Variants in ACAT2 observed in about 807,000 individuals in gnomAD.
The protein encoded by ACAT2 is acetyl-CoA acetyltransferase, cytosolic.
Under a neutral mutation model 37.1 loss-of-function variants are expected in ACAT2, and 26 were observed. The observed-to-expected ratio is 0.70, with a 90% CI of 0.51 to 0.97. ACAT2 has a LOEUF of 0.97. Ranked by LOEUF, ACAT2 falls within the 50% of genes least tolerant of loss-of-function variation. ACAT2 has a pLI of 0.00. For synonymous variants in ACAT2, 156 were observed against 163.6 expected, an observed-to-expected ratio of 0.95 and a Z score of 0.35; for missense variants, 468 against 489.0, an observed-to-expected ratio of 0.96 and a Z score of 0.40.
At chr6:159,768,401 C>A in intron 3 of ACAT2, 110 bp from the exon 4 acceptor site, 1 of 806,554 alleles carries the variant, frequency 1.2e-6, no homozygotes, top group Non-Finnish European at 2.1e-6. Flanking sequence ...AGAAGGGCTG[C>A]AAAGGGGCCT....
At chr6:159,766,878 G>A in intron 2 of ACAT2, 127 bp from the exon 3 acceptor site, 1 of 1,103,306 alleles carries the variant, frequency 9.1e-7, no homozygotes. Context: ...CCTCCAGTGG[G>A]CACTTACTTG....
At chr6:159,762,478 C>A in intron 1 of ACAT2, 4 of 1,318,692 alleles carry the variant, frequency 3.0e-6, no homozygotes, top group Non-Finnish European at 3.9e-6. Flanking sequence ...GAGGCGCCAT[C>A]GGTAATGCCT....
intron 1 of ACAT2, 192 bp from the exon 2 acceptor site, chr6:159,762,727 T>G (rs904394358): frequency 1.9e-6 from 3 of 1,541,710 alleles, no homozygotes; most frequent in Non-Finnish European, 8.7e-7. Context: ...TGTCCAGCCC[T>G]CGGCTGCTGC....
At chr6:159,762,859 G>C (rs1780175262) in intron 1 of ACAT2, 60 bp from the exon 2 acceptor site, 6 of 1,597,882 alleles carry the variant, frequency 3.8e-6, no homozygotes, top group Non-Finnish European at 3.4e-6. Context: ...CCTGCTCGTA[G>C]GTGGTTCCCG....
chr6:159,763,191 C>T, intron 2 of ACAT2, 138 bp downstream of exon 2: 1 of 1,212,884 alleles, frequency 8.2e-7, no homozygotes. Context: ...CTCAGAGTTC[C>T]CTCTGTTATG....
chr6:159,776,013 G>T (rs901209970), intron 5 of ACAT2, 137 bp from the exon 6 acceptor site: 7 of 893,704 alleles, frequency 7.8e-6, no homozygotes, highest in African/African-American at 3.4e-5. Context: ...TCCTCCTGTT[G>T]TCATCAAAGT....
chr6:159,778,449 A>G (rs1026188380), intron 8 of ACAT2, 169 bp downstream of exon 8: 1 of 638,858 alleles, frequency 1.6e-6, no homozygotes, highest in Non-Finnish European at 2.5e-6. Context: ...AAAAAAAAAA[A>G]GACATTGGCT....
At position 159,762,978 on chromosome 6, in the gene ACAT2, A is replaced by G; in HGVS notation, c.115A>G (p.Lys39Glu). The change falls in exon 2 of 9, where the codon AAA (lysine) becomes GAA (glutamate). Residue 39 changes from lysine (K) to glutamate (E), a missense_variant. Coordinates refer to ENST00000367048, the MANE Select transcript of ACAT2 (RefSeq NM_005891.3). ...CCAGGACCTGGGCTCCACTGTCATC[A>G]AAGAAGTCTTGAAGAGGGCCACTGT... Reference protein sequence around the residue: ...PVQDLGSTVIKEVLKRATVAP... With the variant: ...PVQDLGSTVIEEVLKRATVAP... The G allele has an allele frequency of 6.2e-7, 1 of 1,614,110 alleles. No homozygotes were observed. Among genetic ancestry groups the G allele is most frequent in the Non-Finnish European group, 8.5e-7 (1 of 1,180,002 alleles).
Position 159,779,016 on chromosome 6 carries a change from A to G in ACAT2, c.*187A>G. The stretch of plus-strand genomic sequence containing the variant: ...TCAAGGTACAAGACAATTGCATTTA[A>G]CATTGTTATAAATAAAAGGAACATC... On this transcript the variant is annotated 3_prime_UTR_variant, in exon 9 of 9. Transcript: ENST00000367048. 6.3e-7 allele frequency: 1 copy of G among 1,598,850 alleles called. No homozygotes were observed. Among genetic ancestry groups the G allele is most frequent in the African/African-American group, 1.3e-5 (1 of 74,544 alleles).
chr6:159,775,038 A>G, intron 4 of ACAT2, 132 bp from the exon 5 acceptor site: 3 of 1,002,750 alleles, frequency 3.0e-6, no homozygotes, highest in Non-Finnish European at 4.3e-6. Context: ...CCCCACACAG[A>G]GCATTGCACA....
At chr6:159,777,604 G>A in intron 7 of ACAT2, 148 bp downstream of exon 7, 1 of 1,021,234 alleles carries the variant, frequency 9.8e-7, no homozygotes, top group Non-Finnish European at 1.4e-6. Flanking sequence ...TTGCTCTGTT[G>A]TCCAGGCTGG....
intron 2 of ACAT2, among the ~76,000 whole-genome samples, chr6:159,763,629 C>CTTTT (rs765044833): frequency 0.084 from 6,402 of 76,420 alleles, 1,089 homozygotes; most frequent in Non-Finnish European, 0.11. Context: ...TTTTCTTTTC[C>CTTTT]TTTTTTTTTT....
At chr6:159,770,740 G>A (rs980981683) in intron 4 of ACAT2, among the ~76,000 whole-genome samples, 2 of 152,114 alleles carry the variant, frequency 1.3e-5, no homozygotes, top group South Asian at 2.1e-4. Context: ...TCATATACAC[G>A]ACCTGAAGAA....
rs746882014 is a variant in ACAT2, at chr6:159,778,159, C to G, written c.913-11C>G. ...AAGTTTAGACCTCTTTTCTATGAAT[C>G]TTTCCTCTAGGTTACAAAAGCAGGT... On this transcript the variant is annotated splice_polypyrimidine_tract_variant and intron_variant, in intron 7 of 8. Transcript: ENST00000367048. 1 of 1,586,884 alleles carries G rather than the reference C, an allele frequency of 6.3e-7. No homozygotes were observed. Among genetic ancestry groups the G allele is most frequent in the Non-Finnish European group, 8.6e-7 (1 of 1,159,642 alleles).
intron 4 of ACAT2, among the ~76,000 whole-genome samples, chr6:159,770,664 A>G (rs569202914): frequency 4.1e-4 from 62 of 152,282 alleles, no homozygotes; most frequent in African/African-American, 1.4e-3. Flanking sequence ...AAGAAAAAAA[A>G]ATTCTGAATG....
chr6:159,765,362 C>G, intron 2 of ACAT2, among the ~76,000 whole-genome samples: 1 of 151,796 alleles, frequency 6.6e-6, no homozygotes, highest in East Asian at 1.9e-4. Context: ...GTTATCCACC[C>G]GCCTCGGCCT....
Position 159,767,032 on chromosome 6 carries a change from C to T in ACAT2, c.218C>T (p.Ala73Val). 9 of 1,614,018 alleles carry T rather than the reference C, an allele frequency of 5.6e-6. No homozygotes were observed. Among genetic ancestry groups the T allele is most frequent in the Non-Finnish European group, 7.6e-6 (9 of 1,179,910 alleles). The part of the protein sequence containing the change: ...AGCGQNPVRQ[A>V]SVGAGIPYSV... Reference sequence around the variant, plus strand: ...TGTGGGCAGAATCCTGTTAGACAAGCCAGTGTGGGTGCAGGAATTCCCTAC... The same window carrying T: ...TGTGGGCAGAATCCTGTTAGACAAGTCAGTGTGGGTGCAGGAATTCCCTAC... Residue 73 changes from alanine (A) to valine (V), a missense_variant, in exon 3 of 9, where the codon GCC (alanine) becomes GTC (valine). By Grantham distance (64) the Ala-to-Val change is moderately conservative. Coordinates refer to ENST00000367048, the MANE Select transcript of ACAT2 (RefSeq NM_005891.3).
chr6:159,762,441 C>T, intron 1 of ACAT2: 1 of 1,355,694 alleles, frequency 7.4e-7, no homozygotes, highest in South Asian at 1.5e-5. Flanking sequence ...GTGTTCTCCT[C>T]CGGGGCCCCT....
At chr6:159,762,295 T>A in intron 1 of ACAT2, 153 bp downstream of exon 1, 3 of 1,206,034 alleles carry the variant, frequency 2.5e-6, no homozygotes, top group Non-Finnish European at 3.4e-6. Flanking sequence ...ACCCTGCGGC[T>A]CCCGCGTTCC....
Sources: allele counts gnomAD v4.1 joint callset (sites outside exome capture counted in the v4.1 genomes callset), GRCh38; gene constraint gnomAD v4.1.1; transcripts MANE v1.5; gene names NCBI Gene and HGNC (gene_info 2026-07-23, HGNC 2026-07-21).